ATP2A2: variants seen among roughly 807,000 people sequenced by gnomAD.
ATP2A2 encodes the protein ATPase sarcoplasmic/endoplasmic reticulum Ca2+ transporting 2.
ATP2A2 carries 14 observed loss-of-function variants against 109.3 expected under a neutral mutation model. That is an observed-to-expected ratio of 0.13 (90% CI 0.08 to 0.20). The LOEUF is 0.20. Among genes scored for constraint, ATP2A2 ranks in the 10% least tolerant of loss-of-function variants. The probability of loss-of-function intolerance (pLI) is 1.00; values close to 1 mark genes in which losing one functional copy is unlikely to be tolerated. For missense variants in ATP2A2, 657 were observed against 1,321.6 expected (o/e 0.50, Z 7.80); for synonymous variants, 506 against 490.9 (o/e 1.03, Z -0.41).
intron 5 of ATP2A2, among the ~76,000 whole-genome samples, chr12:110,310,101 G>T (rs914462638): frequency 6.6e-5 from 10 of 151,920 alleles, no homozygotes; most frequent in Admixed American, 2.6e-4. Context: ...ACATGAAAGT[G>T]AATCAAGCTA....
intron 5 of ATP2A2, among the ~76,000 whole-genome samples, chr12:110,306,404 T>C (rs1054066347): frequency 1.3e-5 from 2 of 152,174 alleles, no homozygotes; most frequent in Admixed American, 6.5e-5. Flanking sequence ...GTTATGTGGA[T>C]TTAATGTGTG....
intron 10 of ATP2A2, among the ~76,000 whole-genome samples, chr12:110,333,629 T>C (rs1332297540): frequency 3.3e-5 from 5 of 152,232 alleles, no homozygotes; most frequent in Non-Finnish European, 7.3e-5. Context: ...AAAGGTAAGC[T>C]AGTCCCTGTC....
intron 5 of ATP2A2, among the ~76,000 whole-genome samples, chr12:110,310,002 G>T (rs779043320): frequency 6.6e-6 from 1 of 151,924 alleles, no homozygotes. Context: ...ATATTTCTCC[G>T]GATGGATGGA....
chr12:110,287,748 G>A (rs989751887), intron 3 of ATP2A2, among the ~76,000 whole-genome samples: 1 of 151,910 alleles, frequency 6.6e-6, no homozygotes, highest in Non-Finnish European at 1.5e-5. Flanking sequence ...CCGAGTAGCT[G>A]GGATTACAGG....
chr12:110,308,152 C>CT (rs1466637460), intron 5 of ATP2A2, among the ~76,000 whole-genome samples: 2 of 152,108 alleles, frequency 1.3e-5, no homozygotes, highest in Admixed American at 6.5e-5. Flanking sequence ...TTAAGATTTT[C>CT]TATATACAAG....
chr12:110,345,549 A>G (rs541845047), intron 18 of ATP2A2, 167 bp downstream of exon 18: 2 of 1,073,088 alleles, frequency 1.9e-6, no homozygotes, highest in African/African-American at 3.1e-5. Context: ...CGTCACCTCC[A>G]GGAAGTAGTG....
chr12:110,340,604 A>G lies in ATP2A2; in HGVS notation c.1762-55A>G. 1 of 1,580,290 alleles carries G rather than the reference A, an allele frequency of 6.3e-7. No individual in the cohort carries two copies. Among genetic ancestry groups the G allele is most frequent in the South Asian group, 1.1e-5 (1 of 89,486 alleles). Reference sequence around the variant, plus strand: ...TGTTTAACTGGGCATTTTTCAAACTAGGGGACAAAAACTAGAACTTGCCAC... The same window carrying G: ...TGTTTAACTGGGCATTTTTCAAACTGGGGGACAAAAACTAGAACTTGCCAC... On this transcript the variant is annotated intron_variant, in intron 13 of 19. Transcript: ENST00000539276. The surrounding 1 kb of genome is among the most constrained non-coding windows in gnomAD (Gnocchi z 6.0).
Position 110,348,319 on chromosome 12 carries a change from G to A in ATP2A2, c.*1849G>A, listed in dbSNP as rs960944580. 2 of 985,336 alleles carry A rather than the reference G, an allele frequency of 2.0e-6. No individual in the cohort carries two copies. The highest frequency in any genetic ancestry group is 2.4e-6 in the Non-Finnish European group (2 of 829,958). 61.0% of individuals were successfully genotyped at this position (985,336 alleles called of 1,614,324 possible). ...GTGGCTAAGACTTAGCTCTGCAGGG[G>A]ATGTTAAAGCACAGTTAGTAGGACG... On this transcript the variant is annotated 3_prime_UTR_variant, in exon 20 of 20. Coordinates refer to ENST00000539276, the MANE Select transcript of ATP2A2 (RefSeq NM_170665.4).
intron 6 of ATP2A2, among the ~76,000 whole-genome samples, chr12:110,325,451 A>G (rs991251432): frequency 1.3e-5 from 2 of 151,936 alleles, no homozygotes; most frequent in African/African-American, 2.4e-5. Flanking sequence ...CTTGGCCAAC[A>G]TAGCAAAACC....
intron 8 of ATP2A2, chr12:110,331,349 T>C (rs910814914): frequency 2.6e-5 from 4 of 152,204 alleles, no homozygotes; most frequent in African/African-American, 9.6e-5. Context: ...ATAGCTTTGT[T>C]GTTGCTGTTA....
At chr12:110,282,128 G>A (rs538758323) in intron 1 of ATP2A2, among the ~76,000 whole-genome samples, 172 of 152,240 alleles carry the variant, frequency 1.1e-3, no homozygotes, top group Non-Finnish European at 2.2e-3. Flanking sequence ...CCTTTTCGGC[G>A]CGCAAGGCTC....
intron 4 of ATP2A2, among the ~76,000 whole-genome samples, chr12:110,294,200 C>T (rs935354099): frequency 1.3e-5 from 2 of 151,984 alleles, no homozygotes; most frequent in South Asian, 2.1e-4. Context: ...CCCACCACCA[C>T]GCCCAGCTAA....
intron 1 of ATP2A2, 136 bp downstream of exon 1, chr12:110,282,043 C>A: frequency 1.7e-6 from 1 of 604,014 alleles, no homozygotes; most frequent in Non-Finnish European, 2.6e-6. Flanking sequence ...GCCAGCGCGC[C>A]GGCCCCGCGG....
At chr12:110,300,644 T>C (rs1288351956) in intron 5 of ATP2A2, among the ~76,000 whole-genome samples, 1 of 97,512 alleles carries the variant, frequency 1.0e-5, no homozygotes, top group East Asian at 2.2e-4. Flanking sequence ...ATGCCCGGCC[T>C]TTTTTTTTTT....
At chr12:110,298,250 G>C (rs934788997) in intron 5 of ATP2A2, among the ~76,000 whole-genome samples, 1 of 152,092 alleles carries the variant, frequency 6.6e-6, no homozygotes, top group African/African-American at 2.4e-5. Flanking sequence ...AGAAATTTTT[G>C]TTGTTCCTCC....
chr12:110,294,081 T>C (rs1873692192), intron 4 of ATP2A2, among the ~76,000 whole-genome samples: 1 of 151,564 alleles, frequency 6.6e-6, no homozygotes, highest in African/African-American at 2.4e-5. Flanking sequence ...TCTCACTCTG[T>C]CACCCAGGCT....
chr12:110,322,476 C>CAA (rs768264484), intron 5 of ATP2A2, among the ~76,000 whole-genome samples: 23 of 141,958 alleles, frequency 1.6e-4, no homozygotes, highest in Admixed American at 1.1e-3. Context: ...GGCCCTGTCT[C>CAA]AAAAAAAAAA....
At position 110,291,640 on chromosome 12, in the gene ATP2A2, C is replaced by CTTT. The variant is rs34738611; in HGVS notation, c.220-362_220-360dup. Among the ~76,000 whole-genome samples the CTTT allele has an allele frequency of 1.7e-3, 196 of 116,144 alleles. 3 individuals are homozygous for CTTT. Among genetic ancestry groups the CTTT allele is most frequent in the African/African-American group, 6.5e-3 (185 of 28,670 alleles). 76.2% of individuals were successfully genotyped at this position (116,144 alleles called of 152,430 possible). ...ATCATAATCCCTTTAGTGCTAGCCA[C>CTTT]TTTTTTTTTTTTTTTTTTTTGAGTT... On this transcript the variant is annotated intron_variant, in intron 3 of 19. Coordinates refer to ENST00000539276, the MANE Select transcript of ATP2A2 (RefSeq NM_170665.4).
Position 110,343,350 on chromosome 12 carries a change from C to T in ATP2A2, c.2437C>T (p.Leu813=). The T allele has an allele frequency of 6.2e-7, 1 of 1,614,224 alleles. No individual in the cohort carries two copies. The highest frequency in any genetic ancestry group is 8.5e-7 in the Non-Finnish European group (1 of 1,180,040). The change falls in exon 16 of 20, where the codon CTG becomes TTG. Residue 813 remains leucine (L), a synonymous_variant. Coordinates refer to ENST00000539276, the MANE Select transcript of ATP2A2 (RefSeq NM_170665.4). ...ATALGFNPPD[L]DIMNKPPRNP... is the part of the protein sequence containing the mutation. ...TGCACTGGGGTTCAACCCTCCTGAT[C>T]TGGACATCATGAATAAACCTCCCCG...
Sources: gnomAD v4.1 joint callset for allele counts (sites outside exome capture counted in the v4.1 genomes callset) on GRCh38, gnomAD v4.1.1 for gene constraint, Gnocchi (gnomAD v3.1) non-coding constraint, MANE v1.5 for transcripts, NCBI Gene and HGNC (gene_info 2026-07-23, HGNC 2026-07-21) for gene names.